UST: variants seen among roughly 807,000 people sequenced by gnomAD.
UST encodes the protein uronyl 2-sulfotransferase.
In UST, 21 loss-of-function variants were observed where a neutral mutation model predicts 45.6. That is an observed-to-expected ratio of 0.46 (90% CI 0.33 to 0.66). UST has a LOEUF of 0.66. Among genes scored for constraint, UST ranks in the 30% least tolerant of loss-of-function variants. UST has a pLI of 0.02. For missense variants in UST, 463 were observed against 512.4 expected (o/e 0.90, Z 0.93); for synonymous variants, 215 against 200.6 (o/e 1.07, Z -0.61).
intron 1 of UST, among the ~76,000 whole-genome samples, chr6:148,816,360 GA>G (rs928787584): frequency 2.5e-4 from 38 of 152,314 alleles, no homozygotes; most frequent in African/African-American, 8.9e-4. Context: ...ATTATGCAAA[GA>G]GGGGAACCCT....
At chr6:149,072,571 T>TGAACCC (rs1435040534) in intron 7 of UST, among the ~76,000 whole-genome samples, 2 of 151,586 alleles carry the variant, frequency 1.3e-5, no homozygotes, top group Non-Finnish European at 2.9e-5. Flanking sequence ...GAGAATCACT[T>TGAACCC]GAACCCGGGA....
At chr6:148,752,955 T>C (rs1562556746) in intron 1 of UST, among the ~76,000 whole-genome samples, 2 of 152,200 alleles carry the variant, frequency 1.3e-5, no homozygotes, top group Non-Finnish European at 2.9e-5. Context: ...TTGTATTACA[T>C]AGAAACTCGG....
At position 148,798,207 on chromosome 6, in the gene UST, A is replaced by G. The variant is rs943427623; in HGVS notation, c.247+50530A>G. Among the ~76,000 whole-genome samples, 7 of 152,198 alleles carry G rather than the reference A, an allele frequency of 4.6e-5. No homozygotes were observed. The South Asian group carries it at 8.3e-4, about 18-fold the overall frequency. On this transcript the variant is annotated intron_variant, in intron 1 of 7. Transcript: ENST00000367463. ...AATGAGAATCTCCTGGACTTGGTAG[A>G]TTGAATGTGGACTCAGGGTGAGTCT... is the stretch of plus-strand genomic sequence containing the variant.
At chr6:148,849,324 C>A (rs1778060735) in intron 1 of UST, among the ~76,000 whole-genome samples, 1 of 152,160 alleles carries the variant, frequency 6.6e-6, no homozygotes, top group African/African-American at 2.4e-5. Flanking sequence ...GCTGCATAAA[C>A]CTCCTTCTTT....
intron 7 of UST, among the ~76,000 whole-genome samples, chr6:149,047,290 T>G (rs1776409533): frequency 6.6e-6 from 1 of 152,202 alleles, no homozygotes; most frequent in Admixed American, 6.5e-5. Context: ...TTGCTAGTAG[T>G]TGCTAATGTC....
intron 5 of UST, among the ~76,000 whole-genome samples, chr6:148,975,895 T>C (rs947297303): frequency 6.6e-6 from 1 of 152,164 alleles, no homozygotes. Flanking sequence ...GCAAAGCATA[T>C]AGGCAATGGA....
chr6:148,799,176 T>C (rs186256544), intron 1 of UST, among the ~76,000 whole-genome samples: 57 of 152,242 alleles, frequency 3.7e-4, no homozygotes, highest in Middle Eastern at 6.8e-3. Flanking sequence ...GGCCAGGAGA[T>C]AGGATTTAAA....
intron 1 of UST, among the ~76,000 whole-genome samples, chr6:148,797,604 A>G (rs1436428991): frequency 6.6e-6 from 1 of 152,220 alleles, no homozygotes. Flanking sequence ...TTCAGAGTAC[A>G]CAGTGATAAG....
rs1226895997 is a variant in UST at position 148,999,809 on chromosome 6, C to A, written c.682-19330C>A. Among the ~76,000 whole-genome samples the A allele has an allele frequency of 9.3e-5, 13 of 139,230 alleles. 2 individuals are homozygous for A. The highest frequency in any genetic ancestry group is 2.2e-4 in the Non-Finnish European group (13 of 59,422). The allele number at this position is 139,230 out of a possible 152,430, so 91.3% of individuals were successfully genotyped here. On this transcript the variant is annotated intron_variant, in intron 5 of 7. Coordinates refer to ENST00000367463, the MANE Select transcript of UST (RefSeq NM_005715.3). ...TACACTCAGCATTTCCTCTGATAGA[C>A]CTTCCTGTAGCAAAGAAGCATGAAT...
At chr6:148,907,804 A>G (rs1779393054) in intron 2 of UST, among the ~76,000 whole-genome samples, 1 of 151,918 alleles carries the variant, frequency 6.6e-6, no homozygotes, top group Non-Finnish European at 1.5e-5. Flanking sequence ...CAGTGTGGCT[A>G]ATTGGGGAAC....
At chr6:148,875,196 G>T (rs1778624867) in intron 1 of UST, among the ~76,000 whole-genome samples, 1 of 152,210 alleles carries the variant, frequency 6.6e-6, no homozygotes, top group South Asian at 2.1e-4. Flanking sequence ...TCCATAAGGT[G>T]ATCTAGAATT....
intron 2 of UST, among the ~76,000 whole-genome samples, chr6:148,892,992 G>A (rs763791258): frequency 5.3e-5 from 8 of 151,664 alleles, no homozygotes; most frequent in Non-Finnish European, 1.2e-4. Flanking sequence ...CTTTTTCTTT[G>A]TAATATCTCT....
chr6:148,920,925 GA>G (rs1415702431), intron 2 of UST, among the ~76,000 whole-genome samples: 1 of 152,246 alleles, frequency 6.6e-6, no homozygotes, highest in Non-Finnish European at 1.5e-5. Context: ...AGGAGCGTCA[GA>G]AGGACAAACA....
chr6:148,881,960 G>A (rs941612792), intron 1 of UST, among the ~76,000 whole-genome samples: 3 of 152,184 alleles, frequency 2.0e-5, no homozygotes, highest in Non-Finnish European at 4.4e-5. Flanking sequence ...TAGAAGAAGA[G>A]AAACTCACTG....
At chr6:148,781,197 G>A (rs1181147321) in intron 1 of UST, among the ~76,000 whole-genome samples, 1 of 152,186 alleles carries the variant, frequency 6.6e-6, no homozygotes, top group Non-Finnish European at 1.5e-5. Context: ...TGGGTCTCTA[G>A]CGACAGTTAA....
chr6:149,043,060 T>C (rs1398083690), intron 7 of UST, among the ~76,000 whole-genome samples: 1 of 150,086 alleles, frequency 6.7e-6, no homozygotes, highest in Non-Finnish European at 1.5e-5. Context: ...TTTCCTTCTT[T>C]CCTTCTTTCT....
At position 148,964,523 on chromosome 6, in the gene UST, T is replaced by A; in HGVS notation, c.641T>A (p.Met214Lys). Residue 214 changes from methionine to lysine, a missense_variant, in exon 5 of 8, where the codon ATG becomes AAG. Physicochemically the swap from Met to Lys is moderately conservative, Grantham distance 95 (BLOSUM62 -1). Coordinates refer to ENST00000367463, the MANE Select transcript of UST (RefSeq NM_005715.3). Reference protein sequence around the residue: ...FGDWRGEQNHMIRTPSMRQEE... With the variant: ...FGDWRGEQNHKIRTPSMRQEE... ...GACTGGAGAGGGGAACAAAATCACA[T>A]GATCCGCACCCCCAGCATGAGGCAG... 1 of 1,614,108 alleles carries A rather than the reference T, an allele frequency of 6.2e-7. No homozygotes were observed. The highest frequency in any genetic ancestry group is 8.5e-7 in the Non-Finnish European group (1 of 1,180,028).
chr6:148,844,645 C>T (rs1319963595), intron 1 of UST, among the ~76,000 whole-genome samples: 1 of 151,994 alleles, frequency 6.6e-6, no homozygotes, highest in Non-Finnish European at 1.5e-5. Context: ...TATTGTTTCT[C>T]TCAGTTGAAT....
chr6:148,905,895 C>A (rs1157676616), intron 2 of UST, among the ~76,000 whole-genome samples: 1 of 152,220 alleles, frequency 6.6e-6, no homozygotes, highest in South Asian at 2.1e-4. Flanking sequence ...ATAGCTGGCA[C>A]ACATCATTAT....
Sources: allele counts gnomAD v4.1 joint callset (sites outside exome capture counted in the v4.1 genomes callset), GRCh38; gene constraint gnomAD v4.1.1; transcripts MANE v1.5; gene names NCBI Gene and HGNC (gene_info 2026-07-23, HGNC 2026-07-21).